MYO9A: variants seen among roughly 807,000 people sequenced by gnomAD.
MYO9A encodes myosin IXA.
In MYO9A, 103 loss-of-function variants were observed where a neutral mutation model predicts 293.3. That is an observed-to-expected ratio of 0.35 (90% CI 0.30 to 0.41). The LOEUF (loss-of-function observed/expected upper bound fraction) is 0.41, where lower values mean the gene tolerates loss of function less well. MYO9A is among the 10% of genes least tolerant of loss of function. The pLI is 1.00. For missense variants in MYO9A, 2,685 were observed against 3,033.0 expected (o/e 0.89, Z 2.69); for synonymous variants, 1,001 against 1,035.7 (o/e 0.97, Z 0.64).
chr15:72,064,452 A>G (rs1318711699), intron 1 of MYO9A, among the ~76,000 whole-genome samples: 1 of 152,218 alleles, frequency 6.6e-6, no homozygotes, highest in Non-Finnish European at 1.5e-5. Context: ...ACTACTATGT[A>G]TCCATAAAAA....
At chr15:72,044,132 G>A (rs1258737094) in intron 2 of MYO9A, among the ~76,000 whole-genome samples, 4 of 151,240 alleles carry the variant, frequency 2.6e-5, no homozygotes, top group African/African-American at 9.7e-5. Context: ...ATAGGCTGGG[G>A]GCGATGGCTC....
intron 1 of MYO9A, among the ~76,000 whole-genome samples, chr15:72,069,128 A>G (rs1009916600): frequency 6.6e-6 from 1 of 152,110 alleles, no homozygotes; most frequent in African/African-American, 2.4e-5. Context: ...GGTATATATC[A>G]TATCTCCTTT....
chr15:71,905,762 C>CAAA (rs3086807), intron 19 of MYO9A, among the ~76,000 whole-genome samples: 39,591 of 71,706 alleles, frequency 0.55, 13,338 homozygotes, highest in Non-Finnish European at 0.69. Context: ...GACTCTGTCT[C>CAAA]AAAAAAAAAA....
At chr15:71,997,763 C>A (rs935377555) in intron 9 of MYO9A, among the ~76,000 whole-genome samples, 2 of 151,990 alleles carry the variant, frequency 1.3e-5, no homozygotes, top group African/African-American at 4.8e-5. Context: ...ATCAAAACCA[C>A]AATGAGATAC....
chr15:71,865,699 G>T (rs2056299021), intron 32 of MYO9A, among the ~76,000 whole-genome samples: 1 of 152,092 alleles, frequency 6.6e-6, no homozygotes, highest in South Asian at 2.1e-4. Flanking sequence ...GTTTCTTTTT[G>T]GGATAATGTT....
At chr15:72,067,728 A>G (rs1025777320) in intron 1 of MYO9A, among the ~76,000 whole-genome samples, 1 of 152,200 alleles carries the variant, frequency 6.6e-6, no homozygotes, top group Non-Finnish European at 1.5e-5. Flanking sequence ...TCCACAAGAC[A>G]TATTTCTATT....
intron 11 of MYO9A, among the ~76,000 whole-genome samples, chr15:71,987,567 A>G (rs1455432783): frequency 2.0e-5 from 3 of 152,182 alleles, no homozygotes; most frequent in African/African-American, 4.8e-5. Flanking sequence ...GGTAGTTCCA[A>G]TCAACCCCAT....
chr15:71,853,705 G>C (rs2055750805), intron 35 of MYO9A, among the ~76,000 whole-genome samples: 1 of 152,176 alleles, frequency 6.6e-6, no homozygotes, highest in South Asian at 2.1e-4. Context: ...TGAAACCAGA[G>C]TCAGTCCCCT....
At chr15:71,993,595 T>A (rs190881616) in intron 10 of MYO9A, 1 of 152,226 alleles carries the variant, frequency 6.6e-6, no homozygotes, top group African/African-American at 2.4e-5. Context: ...GTGTAGGGGA[T>A]CAGGTGCTTT....
Position 72,050,275 on chromosome 15 carries a change from C to T in MYO9A, c.-71-3641G>A, listed in dbSNP as rs368372079. 3.7e-3 allele frequency among the ~76,000 whole-genome samples: 563 copies of T among 152,168 alleles called. 4 individuals are homozygous for T. The highest frequency in any genetic ancestry group is 6.0e-3 in the Non-Finnish European group (406 of 68,012). The stretch of plus-strand genomic sequence containing the variant: ...AAAATCTGTACTTGCAAATCCGAGA[C>T]ATGAGCTTTCATCAAAATCATCTGG... On this transcript the variant is annotated intron_variant, in intron 1 of 41. Transcript: ENST00000356056.
chr15:71,942,820 A>G (rs895770024), intron 15 of MYO9A, among the ~76,000 whole-genome samples: 5 of 151,976 alleles, frequency 3.3e-5, no homozygotes, highest in Non-Finnish European at 7.4e-5. Context: ...AAGTTTTATA[A>G]AATTGTTGCT....
rs1305066107 is a variant in MYO9A at position 71,883,612 on chromosome 15, C to G, written c.5380G>C (p.Ala1794Pro). Residue 1794 changes from alanine to proline, a missense_variant, in exon 28 of 42, where the codon GCT becomes CCT. Physicochemically the swap from Ala to Pro is conservative, Grantham distance 27. Transcript: ENST00000356056. ...CTTTTACCATCTGGAAACTGATGAG[C>G]TGGAATCACATCTGTGCCTGCAAAG... Reference protein sequence around the residue: ...PLFAGTDVIPAHQFPDELAAY... With the variant: ...PLFAGTDVIPPHQFPDELAAY... 6.2e-7 allele frequency: 1 copy of G among 1,612,578 alleles called. No individual in the cohort carries two copies. The highest frequency in any genetic ancestry group is 8.5e-7 in the Non-Finnish European group (1 of 1,179,566).
chr15:72,040,398 G>A (rs2078192640), intron 2 of MYO9A: 1 of 152,350 alleles, frequency 6.6e-6, no homozygotes, highest in African/African-American at 2.4e-5. Flanking sequence ...TGAAGTCTAT[G>A]CCATTTGCAG....
chr15:71,972,050 A>C (rs955879294), intron 12 of MYO9A, among the ~76,000 whole-genome samples: 1 of 152,144 alleles, frequency 6.6e-6, no homozygotes, highest in Non-Finnish European at 1.5e-5. Flanking sequence ...GAAAGAAAAA[A>C]TGCTGCACAA....
rs376232006 is a variant in MYO9A at position 72,062,743 on chromosome 15, G to A, written c.-71-16109C>T. 5.4e-4 allele frequency among the ~76,000 whole-genome samples: 82 copies of A among 152,326 alleles called. 1 individual carries two copies. The highest frequency in any genetic ancestry group is 1.0e-3 in the South Asian group (5 of 4,828). On this transcript the variant is annotated intron_variant, in intron 1 of 41. Transcript: ENST00000356056. The stretch of plus-strand genomic sequence containing the variant: ...GGCAAATCTAAGAGTTATTGAGGCT[G>A]GGTGCTTTATCACACCTGTAATCCC...
At chr15:71,907,067 A>G (rs1312446275) in intron 19 of MYO9A, among the ~76,000 whole-genome samples, 4 of 147,856 alleles carry the variant, frequency 2.7e-5, no homozygotes, top group Non-Finnish European at 5.9e-5. Flanking sequence ...AGCATTAGGT[A>G]TATCTCCCAA....
rs149815465 is a variant in MYO9A, at chr15:72,078,807, C to T, written c.-71-32173G>A. ...AATATATTTCAGCAATAAAGACAAA[C>T]GAGCTATCGAACCATGAAAAAATAC... On this transcript the variant is annotated intron_variant, in intron 1 of 41. Transcript: ENST00000356056. Among the ~76,000 whole-genome samples the T allele has an allele frequency of 2.0e-5, 3 of 152,086 alleles. No homozygotes were observed. The East Asian group carries it at 5.8e-4, about 29-fold the overall frequency.
At chr15:72,050,647 AT>A (rs79114329) in intron 1 of MYO9A, among the ~76,000 whole-genome samples, 7,182 of 151,778 alleles carry the variant, frequency 0.047, 300 homozygotes, top group East Asian at 0.18. Flanking sequence ...AACAAACAAA[AT>A]TTTTTTTTAA....
chr15:71,831,847 G>A (rs1220456728), intron 39 of MYO9A, among the ~76,000 whole-genome samples: 1 of 152,170 alleles, frequency 6.6e-6, no homozygotes, highest in Non-Finnish European at 1.5e-5. Flanking sequence ...TCCAGATATT[G>A]TGGCTATCAG....
Sources: gnomAD v4.1 joint callset for allele counts (sites outside exome capture counted in the v4.1 genomes callset) on GRCh38, gnomAD v4.1.1 for gene constraint, MANE v1.5 for transcripts, NCBI Gene and HGNC (gene_info 2026-07-23, HGNC 2026-07-21) for gene names.